The following PDS5B variants were observed in gnomAD, a reference collection of about 807,000 sequenced individuals.
PDS5B encodes sister chromatid cohesion protein PDS5 homolog B.
A neutral mutation model predicts 184.1 loss-of-function variants in PDS5B; 51 were observed. The ratio of observed to expected loss-of-function variants is 0.28; its 90% CI spans 0.22 to 0.35. PDS5B has a LOEUF of 0.35. Among genes scored for constraint, PDS5B ranks in the 10% least tolerant of loss-of-function variants. The pLI, the probability that PDS5B is intolerant of heterozygous loss-of-function variation, is 1.00. For missense variants in PDS5B, 1,180 were observed against 1,723.3 expected, an observed-to-expected ratio of 0.68 and a Z score of 5.58; for synonymous variants, 566 against 569.2, an observed-to-expected ratio of 0.99 and a Z score of 0.08.
intron 7 of PDS5B, among the ~76,000 whole-genome samples, chr13:32,670,636 T>G (rs980005473): frequency 1.3e-5 from 2 of 152,200 alleles, no homozygotes; most frequent in South Asian, 4.1e-4. Context: ...GAACAAAAAG[T>G]ACATGGTGAT....
intron 1 of PDS5B, among the ~76,000 whole-genome samples, chr13:32,645,475 TTAA>T (rs1331466209): frequency 2.6e-5 from 4 of 152,240 alleles, no homozygotes; most frequent in Non-Finnish European, 5.9e-5. Context: ...GAAAGATCTG[TTAA>T]TGATTGATTT....
At chr13:32,716,466 A>G (rs1342390403) in intron 19 of PDS5B, among the ~76,000 whole-genome samples, 2 of 142,098 alleles carry the variant, frequency 1.4e-5, no homozygotes, top group Non-Finnish European at 3.1e-5. Context: ...TCCGCCCGGC[A>G]GCCGCCCCGT....
chr13:32,741,699 CTGTGTGTGTGTGTG>C (rs3050179), intron 22 of PDS5B, among the ~76,000 whole-genome samples: 27 of 139,176 alleles, frequency 1.9e-4, no homozygotes, highest in Non-Finnish European at 2.2e-4. Flanking sequence ...CCCTTTCAGT[CTGTGTGTGTGTGTG>C]TGTGTGTGTG....
At chr13:32,587,060 C>A (rs1213603795) in intron 1 of PDS5B, among the ~76,000 whole-genome samples, 1 of 145,934 alleles carries the variant, frequency 6.9e-6, no homozygotes, top group Admixed American at 6.8e-5. Flanking sequence ...GTTTCCCGGG[C>A]GGCAGGCGGG....
chr13:32,605,163 G>C (rs2058039950), intron 1 of PDS5B, among the ~76,000 whole-genome samples: 1 of 151,966 alleles, frequency 6.6e-6, no homozygotes, highest in Admixed American at 6.5e-5. Context: ...GTGATGTTAG[G>C]GTGTCAATTT....
chr13:32,624,422 A>G (rs965356922), intron 1 of PDS5B, among the ~76,000 whole-genome samples: 3 of 152,070 alleles, frequency 2.0e-5, no homozygotes, highest in Admixed American at 1.3e-4. Context: ...TGACCTGTCC[A>G]TTGAGGTTTT....
Position 32,770,648 on chromosome 13 carries a change from A to C in PDS5B, c.4065-6A>C. On this transcript the variant is annotated splice_region_variant and splice_polypyrimidine_tract_variant and intron_variant, in intron 32 of 34. Coordinates refer to ENST00000315596, the MANE Select transcript of PDS5B (RefSeq NM_015032.4). ...GCTATCCACATTTGGGTCTTCCCCA[A>C]AGCAGAGCAGAATCTCCTGAATCTA... The C allele has an allele frequency of 6.2e-7, 1 of 1,609,096 alleles. No individual in the cohort carries two copies. The highest frequency in any genetic ancestry group is 1.7e-5 in the Admixed American group (1 of 59,370).
chr13:32,734,177 G>A (rs1003827196), intron 20 of PDS5B, among the ~76,000 whole-genome samples: 4 of 151,892 alleles, frequency 2.6e-5, no homozygotes, highest in Non-Finnish European at 4.4e-5. Flanking sequence ...ACAGGCGTAT[G>A]CCCCACGCCT....
intron 1 of PDS5B, among the ~76,000 whole-genome samples, chr13:32,599,799 C>T (rs2057944387): frequency 6.6e-6 from 1 of 151,912 alleles, no homozygotes; most frequent in South Asian, 2.1e-4. Flanking sequence ...CCTGTAGTTC[C>T]AGCTACTTGG....
chr13:32,768,263 C>T (rs1720897255), intron 31 of PDS5B, among the ~76,000 whole-genome samples: 1 of 152,118 alleles, frequency 6.6e-6, no homozygotes, highest in Non-Finnish European at 1.5e-5. Context: ...GCCACCTTCT[C>T]CTGTGTCCTC....
chr13:32,678,601 G>C (rs944416717), intron 9 of PDS5B, among the ~76,000 whole-genome samples: 8 of 152,086 alleles, frequency 5.3e-5, no homozygotes, highest in Admixed American at 2.0e-4. Context: ...GGTTTATTCA[G>C]GTTCCTTAAA....
At chr13:32,718,856 A>G (rs1045522220) in intron 19 of PDS5B, among the ~76,000 whole-genome samples, 6 of 152,244 alleles carry the variant, frequency 3.9e-5, no homozygotes, top group African/African-American at 1.4e-4. Context: ...TAAAGTATAC[A>G]AGAAATTTGC....
intron 26 of PDS5B, among the ~76,000 whole-genome samples, chr13:32,757,316 T>A (rs1422445033): frequency 1.3e-5 from 2 of 152,140 alleles, no homozygotes; most frequent in Non-Finnish European, 2.9e-5. Flanking sequence ...ATGCATAATC[T>A]CCATTCTATC....
chr13:32,618,250 T>G (rs918912080), intron 1 of PDS5B, among the ~76,000 whole-genome samples: 1 of 151,702 alleles, frequency 6.6e-6, no homozygotes, highest in Non-Finnish European at 1.5e-5. Flanking sequence ...TCACTAACTT[T>G]AAAAAAAAAT....
chr13:32,643,457 G>A (rs1300049747), intron 1 of PDS5B, among the ~76,000 whole-genome samples: 13 of 152,232 alleles, frequency 8.5e-5, no homozygotes, highest in Middle Eastern at 3.4e-3. Flanking sequence ...AGATATGAAA[G>A]TGTCTTCAGA....
intron 1 of PDS5B, among the ~76,000 whole-genome samples, chr13:32,630,480 C>G (rs975668020): frequency 6.6e-5 from 10 of 152,286 alleles, no homozygotes; most frequent in Middle Eastern, 3.4e-3. Context: ...CTGACCTCCA[C>G]TTGCAATAAA....
At chr13:32,725,922 G>C (rs1952883877) in intron 19 of PDS5B, among the ~76,000 whole-genome samples, 1 of 151,908 alleles carries the variant, frequency 6.6e-6, no homozygotes, top group Non-Finnish European at 1.5e-5. Flanking sequence ...CCATTTTAAA[G>C]TTATTTGGAA....
Position 32,777,029 on chromosome 13 carries a change from A to G in PDS5B, c.*1977A>G, listed in dbSNP as rs1448111081. 1 of 152,338 alleles carries G rather than the reference A, an allele frequency of 6.6e-6. No individual in the cohort carries two copies. Among genetic ancestry groups the G allele is most frequent in the Non-Finnish European group, 1.5e-5 (1 of 67,910 alleles). The allele number at this position is 152,338 out of a possible 1,614,324, so 9.4% of individuals were successfully genotyped here. A position where few individuals can be genotyped will look rare whatever the true frequency, so the allele number is the denominator to read the frequency against. ...CACATAATTTCTGTTTCAGCAGTAC[A>G]AAGGCATGTTTTAAAATCTATAACA... On this transcript the variant is annotated 3_prime_UTR_variant, in exon 35 of 35. Coordinates refer to ENST00000315596, the MANE Select transcript of PDS5B (RefSeq NM_015032.4).
intron 21 of PDS5B, among the ~76,000 whole-genome samples, chr13:32,739,150 A>G (rs1386102087): frequency 6.6e-6 from 1 of 151,182 alleles, no homozygotes; most frequent in Non-Finnish European, 1.5e-5. Context: ...AAATCAATCC[A>G]TCTGGAATTG....
Sources: gnomAD v4.1 joint callset for allele counts (sites outside exome capture counted in the v4.1 genomes callset) on GRCh38, gnomAD v4.1.1 for gene constraint, MANE v1.5 for transcripts, NCBI Gene and HGNC (gene_info 2026-07-23, HGNC 2026-07-21) for gene names.